Variants in DYSF observed in about 807,000 individuals in gnomAD.
The protein encoded by DYSF is dysferlin, also known as dystrophy-associated fer-1-like 1.
In DYSF, 212 loss-of-function variants were observed where a neutral mutation model predicts 274.9. The observed-to-expected ratio is 0.77, with a 90% CI of 0.69 to 0.86. The LOEUF (loss-of-function observed/expected upper bound fraction) is 0.86. DYSF is among the 40% of genes least tolerant of loss of function. The pLI is 0.00. For synonymous variants in DYSF, 1,091 were observed against 1,078.7 expected, an observed-to-expected ratio of 1.01 and a Z score of -0.22; for missense variants, 2,666 against 2,783.2, an observed-to-expected ratio of 0.96 and a Z score of 0.95.
chr2:71,589,582 C>T lies in DYSF; in HGVS notation c.3403-11C>T, dbSNP rs748855977. Reference sequence around the variant, plus strand: ...GGGCAGAATCTGCCATAACCAGCTTCGTGTCTCCAGGGCGGCGTGATGGAT... The same window carrying T: ...GGGCAGAATCTGCCATAACCAGCTTTGTGTCTCCAGGGCGGCGTGATGGAT... On this transcript the variant is annotated splice_polypyrimidine_tract_variant and intron_variant, in intron 30 of 55. Coordinates refer to ENST00000410020, the MANE Select transcript of DYSF (RefSeq NM_001130987.2). 9.2e-5 allele frequency: 149 copies of T among 1,613,242 alleles called. 1 individual carries two copies. The highest frequency in any genetic ancestry group is 3.3e-4 in the Middle Eastern group (2 of 6,080).
intron 29 of DYSF, among the ~76,000 whole-genome samples, chr2:71,572,558 T>C (rs1384241494): frequency 6.6e-6 from 1 of 152,192 alleles, no homozygotes; most frequent in African/African-American, 2.4e-5. Flanking sequence ...CTCGGGAGTG[T>C]GAGGAGCAAG....
At chr2:71,516,734 C>T (rs1397007300) in intron 9 of DYSF, among the ~76,000 whole-genome samples, 1 of 152,192 alleles carries the variant, frequency 6.6e-6, no homozygotes, top group Non-Finnish European at 1.5e-5. Context: ...GAGTGGATTC[C>T]AGCTCTGTCT....
chr2:71,486,610 A>G (rs561572523), intron 3 of DYSF, among the ~76,000 whole-genome samples: 13 of 152,114 alleles, frequency 8.5e-5, no homozygotes, highest in Admixed American at 7.8e-4. Flanking sequence ...GAATCCTTTC[A>G]TGCCTCAGGA....
At chr2:71,602,216 G>A (rs1398816209) in intron 35 of DYSF, among the ~76,000 whole-genome samples, 1 of 152,196 alleles carries the variant, frequency 6.6e-6, no homozygotes, top group Non-Finnish European at 1.5e-5. Flanking sequence ...CTGCATCTAT[G>A]AGAAGTAGTC....
At chr2:71,611,026 G>C in intron 36 of DYSF, 2 of 605,300 alleles carry the variant, frequency 3.3e-6, no homozygotes, top group Non-Finnish European at 6.0e-6. Context: ...CTGAACCCTG[G>C]ATGAAGGTGC....
intron 30 of DYSF, among the ~76,000 whole-genome samples, chr2:71,577,986 G>T (rs1405391097): frequency 6.6e-6 from 1 of 152,146 alleles, no homozygotes; most frequent in Non-Finnish European, 1.5e-5. Context: ...ACTAGCTGTG[G>T]ACGGGTCACT....
intron 10 of DYSF, among the ~76,000 whole-genome samples, chr2:71,519,666 C>T (rs775301585): frequency 7.3e-5 from 11 of 151,074 alleles, no homozygotes; most frequent in East Asian, 3.9e-4. Flanking sequence ...TTTTTTGAGA[C>T]GGATTTTTGC....
chr2:71,662,504 GTA>G (rs2094902455), intron 45 of DYSF, among the ~76,000 whole-genome samples: 1 of 148,578 alleles, frequency 6.7e-6, no homozygotes, highest in African/African-American at 2.5e-5. Flanking sequence ...GTATGTGTGT[GTA>G]TATGTGTATG....
intron 55 of DYSF, among the ~76,000 whole-genome samples, chr2:71,684,094 G>A (rs1244694774): frequency 1.3e-5 from 2 of 152,208 alleles, no homozygotes; most frequent in Admixed American, 1.3e-4. Flanking sequence ...AGGCGCAATG[G>A]AGAAATGTTT....
intron 52 of DYSF, among the ~76,000 whole-genome samples, chr2:71,674,865 G>C (rs1310222471): frequency 6.6e-6 from 1 of 152,124 alleles, no homozygotes; most frequent in Non-Finnish European, 1.5e-5. Flanking sequence ...CATTGTATGG[G>C]GCCTGCACGC....
In DYSF at chr2:71,644,077, TCAGTCTGA is replaced by T; in HGVS notation, c.4626+20_4626+27del. 6.2e-7 allele frequency: 1 copy of T among 1,601,812 alleles called. No homozygotes were observed. Among genetic ancestry groups the T allele is most frequent in the Non-Finnish European group, 8.5e-7 (1 of 1,172,570 alleles). On this transcript the variant is annotated intron_variant, in intron 42 of 55. Transcript: ENST00000410020. ...GACACCCTGAAGGTAAGGCCTCTCT[TCAGTCTGA>T]CAGTCGGTGTGTGTGTGCGTACTGG...
At chr2:71,516,377 T>A (rs1429583188) in intron 9 of DYSF, 135 bp downstream of exon 9, 1 of 864,208 alleles carries the variant, frequency 1.2e-6, no homozygotes, top group Non-Finnish European at 1.9e-6. Flanking sequence ...TGTGTGCCTG[T>A]CGGTGTGTAT....
At chr2:71,465,460 A>G (rs537956126), upstream of DYSF, among the ~76,000 whole-genome samples, 1 of 152,252 alleles carries the variant, frequency 6.6e-6, no homozygotes, top group East Asian at 1.9e-4. Flanking sequence ...GAGACAAGAC[A>G]TATAGTATGA....
At chr2:71,580,717 C>T (rs1039157425) in intron 30 of DYSF, among the ~76,000 whole-genome samples, 12 of 152,172 alleles carry the variant, frequency 7.9e-5, no homozygotes, top group African/African-American at 1.4e-4. Flanking sequence ...CTAGCATGGG[C>T]GGCTTGAGGG....
intron 16 of DYSF, among the ~76,000 whole-genome samples, chr2:71,537,223 GT>G (rs71402990): frequency 4.8e-4 from 38 of 79,648 alleles, no homozygotes; most frequent in African/African-American, 1.0e-3. Flanking sequence ...TTCTAGTTTT[GT>G]TTTTTTTTTT....
chr2:71,545,909 G>A (rs1441559996), intron 17 of DYSF, among the ~76,000 whole-genome samples: 1 of 152,192 alleles, frequency 6.6e-6, no homozygotes, highest in Non-Finnish European at 1.5e-5. Context: ...AGCATGCTGC[G>A]GAAGGCATTC....
intron 10 of DYSF, 74 bp from the exon 11 acceptor site, chr2:71,520,104 C>T (rs987583185): frequency 1.7e-5 from 26 of 1,561,350 alleles, no homozygotes; most frequent in African/African-American, 2.7e-5. Context: ...TTAATGGAAT[C>T]ATATAATGCA....
chr2:71,520,810 G>C lies in DYSF; in HGVS notation c.1055G>C (p.Trp352Ser), dbSNP rs2152742210. 4 of 1,614,030 alleles carry C rather than the reference G, an allele frequency of 2.5e-6. No homozygotes were observed. Among genetic ancestry groups the C allele is most frequent in the Non-Finnish European group, 3.4e-6 (4 of 1,179,994 alleles). ...REPRHAYLRK[W>S]LLLSDPDDFS... ...TTAGGGCACGCCTATCTCAGGAAGT[G>C]GCTGCTGCTCTCAGACCCTGATGAC... The change falls in exon 12 of 56, where the codon TGG becomes TCG. Residue 352 changes from tryptophan to serine, a missense_variant. Coordinates refer to ENST00000410020, the MANE Select transcript of DYSF (RefSeq NM_001130987.2).
At chr2:71,469,226 T>A (rs1416830177) in intron 1 of DYSF, among the ~76,000 whole-genome samples, 3 of 152,044 alleles carry the variant, frequency 2.0e-5, no homozygotes, top group Non-Finnish European at 4.4e-5. Flanking sequence ...TGGGGCTGAG[T>A]TGATGCCTAA....
Sources: gnomAD v4.1 joint callset for allele counts (sites outside exome capture counted in the v4.1 genomes callset) on GRCh38, gnomAD v4.1.1 for gene constraint, MANE v1.5 for transcripts, NCBI Gene and HGNC (gene_info 2026-07-23, HGNC 2026-07-21) for gene names.